The following SLC8A1 variants were observed in gnomAD, a reference collection of about 807,000 sequenced individuals.
SLC8A1 encodes the protein solute carrier family 8 member A1, also known as sodium/calcium exchanger 1.
In SLC8A1, 18 loss-of-function variants were observed where a neutral mutation model predicts 68.3. The ratio of observed to expected loss-of-function variants is 0.26; its 90% CI spans 0.18 to 0.39. The LOEUF is 0.39. Among genes scored for constraint, SLC8A1 ranks in the 10% least tolerant of loss-of-function variants. SLC8A1 has a pLI of 1.00. For synonymous variants in SLC8A1, 475 were observed against 415.5 expected (o/e 1.14, Z -1.74); for missense variants, 985 against 1,156.7 (o/e 0.85, Z 2.15).
At chr2:40,509,257 C>T (rs1298324017) in intron 1 of SLC8A1, among the ~76,000 whole-genome samples, 2 of 152,018 alleles carry the variant, frequency 1.3e-5, no homozygotes, top group Non-Finnish European at 2.9e-5. Flanking sequence ...AAACCTTCAC[C>T]TTCCAATGAT....
chr2:40,122,534 T>C (rs542629617), intron 7 of SLC8A1, among the ~76,000 whole-genome samples: 1 of 152,206 alleles, frequency 6.6e-6, no homozygotes, highest in Non-Finnish European at 1.5e-5. Context: ...CTAGTCACTT[T>C]TGTCCCCAGC....
At chr2:40,466,100 AG>A (rs1703653799) in intron 1 of SLC8A1, among the ~76,000 whole-genome samples, 1 of 152,170 alleles carries the variant, frequency 6.6e-6, no homozygotes, top group Non-Finnish European at 1.5e-5. Flanking sequence ...TAAGTTACCC[AG>A]TATCAGGTAT....
chr2:40,470,245 T>C (rs1162165006), intron 1 of SLC8A1, among the ~76,000 whole-genome samples: 4 of 152,124 alleles, frequency 2.6e-5, no homozygotes, highest in Non-Finnish European at 5.9e-5. Flanking sequence ...AATTTCCCAT[T>C]GTGTTTAAAT....
At chr2:40,151,365 A>G (rs1350280338) in intron 6 of SLC8A1, among the ~76,000 whole-genome samples, 1 of 152,142 alleles carries the variant, frequency 6.6e-6, no homozygotes, top group African/African-American at 2.4e-5. Flanking sequence ...GGATTGGAAA[A>G]CTTTAATTCA....
intron 7 of SLC8A1, among the ~76,000 whole-genome samples, chr2:40,124,503 A>G (rs1174789083): frequency 1.3e-5 from 2 of 152,218 alleles, no homozygotes; most frequent in East Asian, 1.9e-4. Context: ...AAAGTTTCCA[A>G]TAATTCACCT....
chr2:40,364,926 T>C lies in SLC8A1; in HGVS notation c.1808+63547A>G, dbSNP rs1159308237. ...CTTTGGAGTGTGTGCAGGTAACAGA[T>C]GGAAGACAAAAAGAGGGATTTTAAG... On this transcript the variant is annotated intron_variant, in intron 2 of 7. Transcript: ENST00000406785. 5.3e-5 allele frequency among the ~76,000 whole-genome samples: 8 copies of C among 152,078 alleles called. No homozygotes were observed. In the East Asian group the frequency reaches 5.8e-4, roughly 11 times the overall value.
intron 2 of SLC8A1, among the ~76,000 whole-genome samples, chr2:40,362,760 C>T (rs532688111): frequency 2.6e-5 from 4 of 152,068 alleles, no homozygotes; most frequent in Non-Finnish European, 4.4e-5. Context: ...TAGTTGCATC[C>T]CTCAAACATT....
At chr2:40,396,502 G>A (rs1230454342) in intron 2 of SLC8A1, among the ~76,000 whole-genome samples, 3 of 151,902 alleles carry the variant, frequency 2.0e-5, no homozygotes, top group Non-Finnish European at 4.4e-5. Context: ...ATAGAAATTT[G>A]AAAGCAATGG....
intron 2 of SLC8A1, among the ~76,000 whole-genome samples, chr2:40,330,886 C>T (rs1165509206): frequency 6.6e-6 from 1 of 152,170 alleles, no homozygotes; most frequent in Admixed American, 6.5e-5. Flanking sequence ...TTGCTTGTAA[C>T]TACAGATAAA....
intron 1 of SLC8A1, among the ~76,000 whole-genome samples, chr2:40,503,302 G>T (rs1359146722): frequency 6.6e-6 from 1 of 151,890 alleles, no homozygotes; most frequent in Non-Finnish European, 1.5e-5. Context: ...CTGTCTCATA[G>T]TTCTCACCGA....
intron 1 of SLC8A1, among the ~76,000 whole-genome samples, chr2:40,441,621 C>T (rs1344808598): frequency 6.6e-6 from 1 of 152,042 alleles, no homozygotes; most frequent in African/African-American, 2.4e-5. Context: ...TACACATCTA[C>T]AACCATCTGA....
intron 2 of SLC8A1, among the ~76,000 whole-genome samples, chr2:40,344,735 G>C (rs1376984468): frequency 6.6e-6 from 1 of 152,138 alleles, no homozygotes; most frequent in Non-Finnish European, 1.5e-5. Flanking sequence ...AAAATGTTGA[G>C]GACAGCCCTC....
intron 2 of SLC8A1, among the ~76,000 whole-genome samples, chr2:40,342,675 A>C (rs928196924): frequency 6.6e-6 from 1 of 152,158 alleles, no homozygotes; most frequent in Non-Finnish European, 1.5e-5. Context: ...GGATCCTTCT[A>C]ATAATTGGAA....
At chr2:40,270,054 A>G (rs1173872178) in intron 2 of SLC8A1, among the ~76,000 whole-genome samples, 1 of 152,156 alleles carries the variant, frequency 6.6e-6, no homozygotes. Context: ...TTCTTACAAT[A>G]AATGGTCAGT....
exon 8 of SLC8A1, chr2:40,103,306 A>C (rs944004439): frequency 6.6e-6 from 1 of 151,954 alleles, no homozygotes; most frequent in Admixed American, 6.6e-5. Context: ...CTGTTGTGCA[A>C]TTTCATTTTG....
chr2:40,210,764 T>C (rs762906089), intron 2 of SLC8A1, among the ~76,000 whole-genome samples: 5 of 152,210 alleles, frequency 3.3e-5, no homozygotes, highest in South Asian at 2.1e-4. Context: ...GACCTTTAGA[T>C]TCCCTACTCT....
chr2:40,191,897 G>C (rs2051934435), intron 2 of SLC8A1, among the ~76,000 whole-genome samples: 1 of 152,102 alleles, frequency 6.6e-6, no homozygotes, highest in African/African-American at 2.4e-5. Flanking sequence ...TTATTAGTTT[G>C]TAAATTTTGT....
rs553102028 is a variant in SLC8A1 at position 40,439,755 on chromosome 2, T to A, written c.-24-9451A>T. Among the ~76,000 whole-genome samples the A allele has an allele frequency of 1.6e-3, 243 of 152,216 alleles. 2 individuals are homozygous for A. Among genetic ancestry groups the A allele is most frequent in the African/African-American group, 5.5e-3 (229 of 41,540 alleles). ...TTAAGTCTTAGATTTTCCTGCATAG[T>A]TTCAAATTACAGTCCTTGAAAGAAT... On this transcript the variant is annotated intron_variant, in intron 1 of 7. Transcript: ENST00000406785.
intron 1 of SLC8A1, among the ~76,000 whole-genome samples, chr2:40,499,768 T>C (rs1180161197): frequency 6.6e-6 from 1 of 152,096 alleles, no homozygotes; most frequent in East Asian, 1.9e-4. Flanking sequence ...TAATTTTCCA[T>C]ACATGTCTCT....
Sources: allele counts gnomAD v4.1 joint callset (sites outside exome capture counted in the v4.1 genomes callset), GRCh38; gene constraint gnomAD v4.1.1; transcripts MANE v1.5; gene names NCBI Gene and HGNC (gene_info 2026-07-23, HGNC 2026-07-21).